CACNB4: variants seen among roughly 807,000 people sequenced by gnomAD.
CACNB4 encodes voltage-dependent L-type calcium channel subunit beta-4.
Under a neutral mutation model 71.2 loss-of-function variants are expected in CACNB4, and 32 were observed. The ratio of observed to expected loss-of-function variants is 0.45; its 90% CI spans 0.34 to 0.60. The LOEUF (loss-of-function observed/expected upper bound fraction) is 0.60, where lower values mean the gene tolerates loss of function less well. CACNB4 is among the 20% of genes least tolerant of loss of function. The probability of loss-of-function intolerance (pLI) is 0.01; values close to 1 mark genes in which losing one functional copy is unlikely to be tolerated. For synonymous variants in CACNB4, 231 were observed against 236.9 expected (o/e 0.97, Z 0.23); for missense variants, 464 against 647.9 (o/e 0.72, Z 3.08).
chr2:151,963,785 G>A (rs1360864746), intron 2 of CACNB4, among the ~76,000 whole-genome samples: 1 of 152,052 alleles, frequency 6.6e-6, no homozygotes, highest in Non-Finnish European at 1.5e-5. Context: ...AAAGAATGTT[G>A]GGCCAGGTGC....
At chr2:151,989,482 G>T (rs903916390) in intron 2 of CACNB4, among the ~76,000 whole-genome samples, 2 of 152,090 alleles carry the variant, frequency 1.3e-5, no homozygotes, top group African/African-American at 4.8e-5. Context: ...CCTTTCTCCC[G>T]TTGGAAACTC....
chr2:151,905,525 G>A (rs1437072832), intron 2 of CACNB4, among the ~76,000 whole-genome samples: 1 of 152,156 alleles, frequency 6.6e-6, no homozygotes, highest in Non-Finnish European at 1.5e-5. Flanking sequence ...CTTTAATTCA[G>A]AGACCTACAA....
chr2:151,950,960 C>T (rs186688698), intron 2 of CACNB4, among the ~76,000 whole-genome samples: 37 of 152,216 alleles, frequency 2.4e-4, no homozygotes, highest in African/African-American at 7.0e-4. Context: ...TTTTTTGAGA[C>T]GGAGTCTTGC....
intron 4 of CACNB4, among the ~76,000 whole-genome samples, chr2:151,878,362 G>A (rs114145556): frequency 0.011 from 1,716 of 152,140 alleles, 31 homozygotes; most frequent in Middle Eastern, 0.11. Flanking sequence ...CCTTTGTTAT[G>A]CACACAGCTT....
At chr2:151,966,789 T>G (rs2099871227) in intron 2 of CACNB4, among the ~76,000 whole-genome samples, 1 of 152,180 alleles carries the variant, frequency 6.6e-6, no homozygotes, top group Admixed American at 6.5e-5. Context: ...GAGGAGCATA[T>G]TTAGTTACTG....
chr2:151,847,028 AAG>A (rs1371916222), intron 12 of CACNB4, among the ~76,000 whole-genome samples: 1 of 151,968 alleles, frequency 6.6e-6, no homozygotes, highest in Non-Finnish European at 1.5e-5. Flanking sequence ...AAGTGGTAAA[AAG>A]AAATAATATG....
intron 2 of CACNB4, among the ~76,000 whole-genome samples, chr2:151,993,915 T>A (rs13001817): frequency 0.34 from 51,151 of 149,606 alleles, 8,918 homozygotes; most frequent in Middle Eastern, 0.48. Flanking sequence ...CTCATGCCTG[T>A]AATCCCAGCA....
intron 2 of CACNB4, among the ~76,000 whole-genome samples, chr2:151,903,841 C>T (rs745911057): frequency 6.6e-6 from 1 of 152,198 alleles, no homozygotes; most frequent in Non-Finnish European, 1.5e-5. Context: ...TTCATCCATC[C>T]GTTGTGTTAC....
rs537483519 is a variant in CACNB4, at chr2:152,028,466, A to T, written c.147+69864T>A. Among the ~76,000 whole-genome samples the T allele has an allele frequency of 1.2e-3, 179 of 152,312 alleles. 1 individual carries two copies. Among genetic ancestry groups the T allele is most frequent in the African/African-American group, 4.1e-3 (171 of 41,570 alleles). ...CTAGTTCTACTGTAGCCTGTGGACA[A>T]ATCTCTCCATAACTGCACCTTTCAA... On this transcript the variant is annotated intron_variant, in intron 2 of 13. Coordinates refer to ENST00000539935, the MANE Select transcript of CACNB4 (RefSeq NM_000726.5).
intron 2 of CACNB4, among the ~76,000 whole-genome samples, chr2:151,923,993 T>C (rs1456852469): frequency 6.6e-6 from 1 of 152,032 alleles, no homozygotes; most frequent in African/African-American, 2.4e-5. Context: ...AATGTGACTC[T>C]ATGATACATT....
At chr2:151,911,654 C>A (rs989848209) in intron 2 of CACNB4, among the ~76,000 whole-genome samples, 1 of 152,160 alleles carries the variant, frequency 6.6e-6, no homozygotes, top group Non-Finnish European at 1.5e-5. Flanking sequence ...TGTTATACCT[C>A]TTCCTGGTTT....
chr2:152,085,891 G>A (rs1687637168), intron 2 of CACNB4, among the ~76,000 whole-genome samples: 1 of 145,020 alleles, frequency 6.9e-6, no homozygotes. Flanking sequence ...AAATAAAATA[G>A]CAAATTTTAT....
intron 2 of CACNB4, among the ~76,000 whole-genome samples, chr2:152,062,993 T>G (rs1474162189): frequency 1.3e-5 from 2 of 152,198 alleles, no homozygotes; most frequent in African/African-American, 2.4e-5. Context: ...GATCAGCAGA[T>G]GAGTCAGAAG....
chr2:152,045,762 G>T (rs894425110), intron 2 of CACNB4, among the ~76,000 whole-genome samples: 1 of 152,016 alleles, frequency 6.6e-6, no homozygotes, highest in Admixed American at 6.5e-5. Context: ...GAGTTCAGAC[G>T]GTACCTTAGG....
chr2:152,087,391 A>C (rs60941053), intron 2 of CACNB4, among the ~76,000 whole-genome samples: 1,517 of 150,974 alleles, frequency 0.01, 34 homozygotes, highest in African/African-American at 0.035. Flanking sequence ...GAGATTGTGC[A>C]ACTGCACTCC....
In CACNB4 at chr2:151,837,268, A is replaced by T. The variant is rs1182449462; in HGVS notation, c.*1851T>A. 1 of 152,034 alleles carries T rather than the reference A, an allele frequency of 6.6e-6. No homozygotes were observed. Among genetic ancestry groups the T allele is most frequent in the Non-Finnish European group, 1.5e-5 (1 of 67,886 alleles). The allele number at this position is 152,034 out of a possible 1,614,324, so 9.4% of individuals were successfully genotyped here. On this transcript the variant is annotated 3_prime_UTR_variant, in exon 14 of 14. Coordinates refer to ENST00000539935, the MANE Select transcript of CACNB4 (RefSeq NM_000726.5). ...TTAATTGTATCAAATATTTGAAATG[A>T]CTTACAGAATTATAGGTATCCTCAT...
intron 2 of CACNB4, chr2:151,970,967 G>A (rs73967722): frequency 0.09 from 13,688 of 152,216 alleles, 2,090 homozygotes; most frequent in African/African-American, 0.32. Flanking sequence ...TGTCCAGCCT[G>A]GGCGACAGAG....
At chr2:152,036,643 A>G (rs904840643) in intron 2 of CACNB4, among the ~76,000 whole-genome samples, 1 of 152,090 alleles carries the variant, frequency 6.6e-6, no homozygotes, top group Non-Finnish European at 1.5e-5. Flanking sequence ...AATTTTTTTT[A>G]AAGTGTTAAG....
chr2:151,916,118 A>C (rs1396639357), intron 2 of CACNB4, among the ~76,000 whole-genome samples: 1 of 152,176 alleles, frequency 6.6e-6, no homozygotes, highest in Non-Finnish European at 1.5e-5. Context: ...CCTGGTTGCC[A>C]GTGAAGGATT....
Sources: gnomAD v4.1 joint callset for allele counts (sites outside exome capture counted in the v4.1 genomes callset) on GRCh38, gnomAD v4.1.1 for gene constraint, MANE v1.5 for transcripts, NCBI Gene and HGNC (gene_info 2026-07-23, HGNC 2026-07-21) for gene names.